The following PACSIN1 variants were observed in gnomAD, a reference collection of about 807,000 sequenced individuals.
The protein encoded by PACSIN1 is protein kinase C and casein kinase substrate in neurons protein 1.
In PACSIN1, 15 loss-of-function variants were observed where a neutral mutation model predicts 59.5. The ratio of observed to expected loss-of-function variants is 0.25; its 90% CI spans 0.17 to 0.39. PACSIN1 has a LOEUF of 0.39. PACSIN1 is among the 10% of genes least tolerant of loss of function. The pLI is 1.00. For missense variants in PACSIN1, 420 were observed against 580.2 expected (o/e 0.72, Z 2.84); for synonymous variants, 210 against 220.6 (o/e 0.95, Z 0.42).
chr6:34,497,563 G>A (rs1447914665), intron 1 of PACSIN1, among the ~76,000 whole-genome samples: 1 of 152,122 alleles, frequency 6.6e-6, no homozygotes, highest in Non-Finnish European at 1.5e-5. Flanking sequence ...CCCCTCCAAG[G>A]GTGTGCGTGC....
chr6:34,519,571 G>T (rs994385625), intron 1 of PACSIN1, among the ~76,000 whole-genome samples: 1 of 152,092 alleles, frequency 6.6e-6, no homozygotes, highest in Non-Finnish European at 1.5e-5. Flanking sequence ...GAGAAGGGGA[G>T]CCAGGTGATC....
rs968535325 is a variant in PACSIN1, at chr6:34,526,255, C to T, written c.-51C>T. ...CCTGCCCTCCCAGTGCATGAGCAGC[C>T]GAGCCTGCTAACCGCAGCTCCGCAC... On this transcript the variant is annotated 5_prime_UTR_variant, in exon 2 of 10. It introduces an in-frame stop codon into an upstream open reading frame of the 5' UTR. Coordinates refer to ENST00000244458, the MANE Select transcript of PACSIN1 (RefSeq NM_020804.5). 4 of 1,502,070 alleles carry T rather than the reference C, an allele frequency of 2.7e-6. No homozygotes were observed. Among genetic ancestry groups the T allele is most frequent in the Non-Finnish European group, 2.8e-6 (3 of 1,083,742 alleles). 93.0% of individuals were successfully genotyped at this position (1,502,070 alleles called of 1,614,324 possible). A position where few individuals can be genotyped will look rare whatever the true frequency, so the allele number is the denominator to read the frequency against.
intron 1 of PACSIN1, among the ~76,000 whole-genome samples, chr6:34,467,553 C>CTTTTTTTT (rs61324041): frequency 2.2e-5 from 2 of 90,810 alleles, no homozygotes; most frequent in Non-Finnish European, 4.0e-5. Context: ...TAGGCCCTTC[C>CTTTTTTTT]TTTTTTTTTT....
intron 1 of PACSIN1, among the ~76,000 whole-genome samples, chr6:34,523,344 G>A (rs1053344752): frequency 6.6e-6 from 1 of 152,220 alleles, no homozygotes; most frequent in African/African-American, 2.4e-5. Flanking sequence ...CTTCTCCCGT[G>A]GTACCTGGAC....
intron 1 of PACSIN1, among the ~76,000 whole-genome samples, chr6:34,507,200 G>T (rs1368651638): frequency 6.6e-6 from 1 of 152,110 alleles, no homozygotes; most frequent in East Asian, 1.9e-4. Context: ...GGCTGTTTTT[G>T]TCTATGTTTA....
At chr6:34,486,790 C>T (rs966854445) in intron 1 of PACSIN1, among the ~76,000 whole-genome samples, 28 of 151,924 alleles carry the variant, frequency 1.8e-4, no homozygotes, top group African/African-American at 6.0e-4. Context: ...CTCTTCCCCA[C>T]TTCAGTAGAC....
intron 1 of PACSIN1, among the ~76,000 whole-genome samples, chr6:34,479,147 C>T (rs1766681082): frequency 6.6e-6 from 1 of 152,202 alleles, no homozygotes; most frequent in Admixed American, 6.5e-5. Flanking sequence ...AACACAGCCA[C>T]ATTGGGAATC....
intron 1 of PACSIN1, among the ~76,000 whole-genome samples, chr6:34,502,682 G>C (rs1427247551): frequency 6.6e-6 from 1 of 151,810 alleles, no homozygotes; most frequent in Non-Finnish European, 1.5e-5. Flanking sequence ...TAGCCAGGAT[G>C]GTCTCGATCT....
chr6:34,466,318 G>GGT (rs933509839), intron 1 of PACSIN1, 48 bp downstream of exon 1: 1 of 152,448 alleles, frequency 6.6e-6, no homozygotes, highest in Non-Finnish European at 1.5e-5. Flanking sequence ...TGTGTGTGCG[G>GGT]GTGTCCAGTT....
intron 1 of PACSIN1, among the ~76,000 whole-genome samples, chr6:34,500,520 A>ATCCAGGCT (rs1767008243): frequency 1.3e-5 from 2 of 152,354 alleles, no homozygotes; most frequent in East Asian, 3.9e-4. Flanking sequence ...ATGTGCTGTC[A>ATCCAGGCT]TCCAGGCTTC....
At chr6:34,473,593 CAGGGCTGG>C (rs758971718) in intron 1 of PACSIN1, among the ~76,000 whole-genome samples, 54 of 152,192 alleles carry the variant, frequency 3.5e-4, no homozygotes, top group Admixed American at 2.1e-3. Flanking sequence ...GCAGCCGAGG[CAGGGCTGG>C]AGGGCTGGGG....
At chr6:34,510,203 G>A (rs913706226) in intron 1 of PACSIN1, among the ~76,000 whole-genome samples, 4 of 152,200 alleles carry the variant, frequency 2.6e-5, no homozygotes, top group Non-Finnish European at 4.4e-5. Flanking sequence ...CCTAAATATC[G>A]CAAAAGCTTC....
In PACSIN1 at chr6:34,529,535, A is replaced by G; in HGVS notation, c.595A>G (p.Lys199Glu). 6.2e-7 allele frequency: 1 copy of G among 1,614,156 alleles called. No homozygotes were observed. Among genetic ancestry groups the G allele is most frequent in the Non-Finnish European group, 8.5e-7 (1 of 1,180,018 alleles). The change falls in exon 5 of 10, where the codon AAG becomes GAG. Residue 199 changes from lysine to glutamate, a missense_variant. Lys to Glu is a moderately conservative substitution (Grantham distance 56). Transcript: ENST00000244458. The surrounding 1 kb of genome is among the most constrained non-coding windows in gnomAD (Gnocchi z 6.3). ...GCTGCAGGACAAAGTGGACAAGTGC[A>G]AGCAGGATGTGCAGAAGGTGCTGGC... ...KKLQDKVDKC[K>E]QDVQKTQEKY...
At chr6:34,511,051 C>T (rs968921275) in intron 1 of PACSIN1, among the ~76,000 whole-genome samples, 1 of 152,176 alleles carries the variant, frequency 6.6e-6, no homozygotes, top group Non-Finnish European at 1.5e-5. Flanking sequence ...ATCATTTGAA[C>T]ATATTTATGA....
intron 2 of PACSIN1, 140 bp from the exon 3 acceptor site, chr6:34,527,192 G>GCGGGGGC (rs1481315740): frequency 1.2e-6 from 1 of 844,894 alleles, no homozygotes; most frequent in Non-Finnish European, 1.7e-6. Context: ...GGGGCGGGGG[G>GCGGGGGC]CGGGGGCGGG....
chr6:34,487,542 A>T (rs1366891193), intron 1 of PACSIN1, among the ~76,000 whole-genome samples: 3 of 152,178 alleles, frequency 2.0e-5, no homozygotes, highest in Non-Finnish European at 4.4e-5. Context: ...TGGATGCAGG[A>T]GGTTGCTCTC....
intron 1 of PACSIN1, among the ~76,000 whole-genome samples, chr6:34,493,370 G>A (rs565279388): frequency 1.3e-5 from 2 of 152,334 alleles, no homozygotes; most frequent in Non-Finnish European, 2.9e-5. Context: ...GTTGCTGCAA[G>A]CATTCATGTG....
At chr6:34,478,468 G>A (rs1460979314) in intron 1 of PACSIN1, among the ~76,000 whole-genome samples, 1 of 148,258 alleles carries the variant, frequency 6.7e-6, no homozygotes, top group African/African-American at 2.5e-5. Context: ...CGACTCCTGG[G>A]TTCAAGTGAT....
Position 34,488,715 on chromosome 6 carries a change from C to T in PACSIN1, c.-64+22445C>T, listed in dbSNP as rs1345765339. 6.6e-6 allele frequency among the ~76,000 whole-genome samples: 1 copy of T among 152,166 alleles called. No homozygotes were observed. The highest frequency in any genetic ancestry group is 2.4e-5 in the African/African-American group (1 of 41,444). ...TTGCAGGAGATCAGCTCCAAGCTGG[C>T]ACCTCATCTGCATCTTTTTATTATT... On this transcript the variant is annotated intron_variant, in intron 1 of 9. Transcript: ENST00000244458. This position sits in a 1 kb window ranked among gnomAD's most constrained non-coding sequence, Gnocchi z 4.7.
Sources: allele counts gnomAD v4.1 joint callset (sites outside exome capture counted in the v4.1 genomes callset), GRCh38; gene constraint gnomAD v4.1.1; non-coding constraint Gnocchi (gnomAD v3.1); transcripts MANE v1.5; gene names NCBI Gene and HGNC (gene_info 2026-07-23, HGNC 2026-07-21).